Variants in CEP295 observed in about 807,000 individuals in gnomAD.
CEP295 encodes the protein centrosomal protein 295.
CEP295 carries 190 observed loss-of-function variants against 291.6 expected under a neutral mutation model. That is an observed-to-expected ratio of 0.65 (90% CI 0.58 to 0.73). The LOEUF (loss-of-function observed/expected upper bound fraction) is 0.73. Ranked by LOEUF, CEP295 falls within the 30% of genes least tolerant of loss-of-function variation. The probability of loss-of-function intolerance (pLI) is 0.00; values close to 1 mark genes in which losing one functional copy is unlikely to be tolerated. For missense variants in CEP295, 2,863 were observed against 2,949.4 expected (o/e 0.97, Z 0.68); for synonymous variants, 993 against 1,038.8 (o/e 0.96, Z 0.85).
At chr11:93,663,361 A>G (rs1950073470) in intron 1 of CEP295, among the ~76,000 whole-genome samples, 1 of 152,086 alleles carries the variant, frequency 6.6e-6, no homozygotes, top group African/African-American at 2.4e-5. Context: ...GCTCCCTCCC[A>G]TTTTCCCTCA....
intron 9 of CEP295, among the ~76,000 whole-genome samples, chr11:93,685,372 C>G (rs2134981611): frequency 6.6e-6 from 1 of 152,258 alleles, no homozygotes. Context: ...ACCACCCAGG[C>G]TTTCTTATCA....
intron 6 of CEP295, among the ~76,000 whole-genome samples, chr11:93,678,068 C>T (rs1371707901): frequency 3.9e-5 from 6 of 151,992 alleles, no homozygotes; most frequent in African/African-American, 1.4e-4. Flanking sequence ...TTTTTTATAT[C>T]TGGACTGATA....
In CEP295 at chr11:93,695,618, A is replaced by T; in HGVS notation, c.1655A>T (p.Lys552Ile). The stretch of plus-strand genomic sequence containing the variant: ...CAGCTGGAAGAAGAAAAAAGAAAAA[A>T]AACTCAACCGACTGGGGTAGGATGC... The part of the protein sequence containing the change: ...RAQLEEEKRK[K>I]TQPTGVGIAP... The change falls in exon 13 of 30, where the codon AAA (lysine) becomes ATA (isoleucine). Residue 552 changes from lysine (K) to isoleucine (I), a missense_variant. By Grantham distance (102) the Lys-to-Ile change is moderately radical (BLOSUM62 -3). Around this residue, in one of 3 missense-constraint regions of CEP295, gnomAD observed 2,295 missense variants for 2,335.7 expected, o/e 0.98. Transcript: ENST00000325212. 1.3e-6 allele frequency: 2 copies of T among 1,494,082 alleles called. No individual in the cohort carries two copies. Among genetic ancestry groups the T allele is most frequent in the Admixed American group, 5.3e-5 (2 of 37,510 alleles). The allele number at this position is 1,494,082 out of a possible 1,614,324, so 92.6% of individuals were successfully genotyped here.
At position 93,698,554 on chromosome 11, in the gene CEP295, T is replaced by A. The variant is rs969704564; in HGVS notation, c.3642T>A (p.Ser1214=). ...TSSSLSQVDE[S]ERFQECISIK... is the part of the protein sequence containing the mutation. ...CATCCCTTTCCCAGGTGGATGAATC[T>A]GAGAGATTCCAGGAATGTATATCAA... The change falls in exon 15 of 30, where the codon TCT becomes TCA. Residue 1214 remains serine, a synonymous_variant. Coordinates refer to ENST00000325212, the MANE Select transcript of CEP295 (RefSeq NM_033395.2). The A allele has an allele frequency of 9.7e-6, 15 of 1,552,106 alleles. No homozygotes were observed. The highest frequency in any genetic ancestry group is 3.9e-5 in the Admixed American group (2 of 50,982).
intron 10 of CEP295, among the ~76,000 whole-genome samples, chr11:93,688,698 T>C (rs908430536): frequency 6.6e-6 from 1 of 152,184 alleles, no homozygotes; most frequent in Non-Finnish European, 1.5e-5. Flanking sequence ...CCCTTCTCTT[T>C]ATATCAAAAC....
intron 18 of CEP295, among the ~76,000 whole-genome samples, chr11:93,720,922 T>C (rs376150589): frequency 3.8e-4 from 58 of 152,298 alleles, no homozygotes; most frequent in African/African-American, 1.3e-3. Context: ...TTGTCTCTTT[T>C]ATATGCATGT....
At chr11:93,703,032 C>G in intron 17 of CEP295, 113 bp downstream of exon 17, 2 of 843,880 alleles carry the variant, frequency 2.4e-6, no homozygotes, top group Non-Finnish European at 3.5e-6. Context: ...GGTGTGATCT[C>G]AGCTCACTGA....
chr11:93,723,169 G>A lies in CEP295; in HGVS notation c.6076G>A (p.Val2026Ile), dbSNP rs113577083. The change falls in exon 21 of 30, where the codon GTT becomes ATT. Residue 2026 changes from valine (V) to isoleucine (I), a missense_variant. By Grantham distance (29) the Val-to-Ile change is conservative. Coordinates refer to ENST00000325212, the MANE Select transcript of CEP295 (RefSeq NM_033395.2). Reference sequence around the variant, plus strand: ...TTATCAGCGGCAGAACTCTTCAGACGTTCATAAATCTCTGTTGCCTGCAGT... The same window carrying A: ...TTATCAGCGGCAGAACTCTTCAGACATTCATAAATCTCTGTTGCCTGCAGT... ...DIYQRQNSSD[V>I]HKSLLPAVDE... The A allele has an allele frequency of 3.9e-6, 6 of 1,552,052 alleles. No homozygotes were observed. Among genetic ancestry groups the A allele is most frequent in the South Asian group, 3.6e-5 (3 of 84,054 alleles).
At chr11:93,693,334 A>AT (rs974696102) in intron 12 of CEP295, among the ~76,000 whole-genome samples, 3 of 152,114 alleles carry the variant, frequency 2.0e-5, no homozygotes, top group Non-Finnish European at 2.9e-5. Context: ...TTAATAAAAT[A>AT]TTTTTTTAAC....
At chr11:93,709,549 G>A (rs1300653170) in intron 18 of CEP295, among the ~76,000 whole-genome samples, 1 of 152,040 alleles carries the variant, frequency 6.6e-6, no homozygotes. Context: ...GATTACTGTT[G>A]CTCTGTAGTA....
chr11:93,668,166 T>G (rs1027561186), intron 3 of CEP295, among the ~76,000 whole-genome samples: 2 of 152,102 alleles, frequency 1.3e-5, no homozygotes, highest in Non-Finnish European at 2.9e-5. Context: ...CAACAAACAT[T>G]TTTTGATGAC....
intron 19 of CEP295, 167 bp downstream of exon 19, chr11:93,721,579 G>A: frequency 1.3e-6 from 1 of 762,810 alleles, no homozygotes; most frequent in East Asian, 2.5e-5. Flanking sequence ...AGCATCAGAA[G>A]TCTTTCCAGT....
intron 18 of CEP295, among the ~76,000 whole-genome samples, chr11:93,707,995 A>T (rs940855943): frequency 6.6e-6 from 1 of 152,150 alleles, no homozygotes; most frequent in African/African-American, 2.4e-5. Flanking sequence ...GTGAGCTATA[A>T]TTTTTGACAT....
At chr11:93,694,721 G>A (rs75780082) in intron 12 of CEP295, among the ~76,000 whole-genome samples, 1,984 of 152,260 alleles carry the variant, frequency 0.013, 42 homozygotes, top group East Asian at 0.053. Flanking sequence ...GTACAGAGTA[G>A]GACAGTGCAA....
At chr11:93,683,790 G>T in intron 8 of CEP295, 48 bp downstream of exon 8, 2 of 1,496,168 alleles carry the variant, frequency 1.3e-6, no homozygotes, top group Non-Finnish European at 1.8e-6. Context: ...ATACGTTTTG[G>T]TGGGAAAATA....
intron 1 of CEP295, among the ~76,000 whole-genome samples, chr11:93,665,694 C>A (rs1427730408): frequency 1.3e-5 from 2 of 152,114 alleles, no homozygotes; most frequent in African/African-American, 4.8e-5. Flanking sequence ...GGCGACAGAA[C>A]GAGACTCCAT....
At position 93,670,895 on chromosome 11, in the gene CEP295, T is replaced by G. The variant is rs116893814; in HGVS notation, c.528+1125T>G. ...GGCATGAACTATTTAGTTCTTTTTT[T>G]CTTTTGAGGCAGAGTCTTGCTCTGT... On this transcript the variant is annotated intron_variant, in intron 5 of 29. Coordinates refer to ENST00000325212, the MANE Select transcript of CEP295 (RefSeq NM_033395.2). Among the ~76,000 whole-genome samples, 277 of 150,156 alleles carry G rather than the reference T, an allele frequency of 1.8e-3. 10 individuals carry two copies. In the East Asian group the frequency reaches 0.052, roughly 28 times the overall value.
chr11:93,677,694 G>A (rs76395427), intron 6 of CEP295, among the ~76,000 whole-genome samples: 1,594 of 152,192 alleles, frequency 0.01, 13 homozygotes, highest in Non-Finnish European at 0.017. Context: ...ATTGTTTGTG[G>A]TGAGACCCAG....
At chr11:93,676,026 A>T (rs561217749) in intron 6 of CEP295, among the ~76,000 whole-genome samples, 1 of 152,166 alleles carries the variant, frequency 6.6e-6, no homozygotes, top group African/African-American at 2.4e-5. Flanking sequence ...TGTTTTAATA[A>T]ATTCATTATA....
Sources: allele counts gnomAD v4.1 joint callset (sites outside exome capture counted in the v4.1 genomes callset), GRCh38; gene constraint gnomAD v4.1.1; regional missense constraint gnomAD v4.1.1; transcripts MANE v1.5; gene names NCBI Gene and HGNC (gene_info 2026-07-23, HGNC 2026-07-21).